Variants in SCNN1A observed in about 807,000 individuals in gnomAD.
SCNN1A encodes sodium channel epithelial 1 subunit alpha, also known as epithelial sodium channel subunit alpha.
In SCNN1A, 65 loss-of-function variants were observed where a neutral mutation model predicts 68.6. The observed-to-expected ratio is 0.95, with a 90% CI of 0.78 to 1.16. The LOEUF is 1.16. Among genes scored for constraint, SCNN1A ranks in the 50% most tolerant of loss-of-function variants. SCNN1A has a pLI of 0.00. For missense variants in SCNN1A, 880 were observed against 865.9 expected, an observed-to-expected ratio of 1.02 and a Z score of -0.20; for synonymous variants, 357 against 353.3, an observed-to-expected ratio of 1.01 and a Z score of -0.12.
At chr12:6,361,903 G>T in intron 4 of SCNN1A, 148 bp downstream of exon 4, 2 of 857,244 alleles carry the variant, frequency 2.3e-6, no homozygotes, top group South Asian at 1.4e-5. Context: ...CAGGGTGTGG[G>T]CCCAAAGCCA....
rs1266962260 is a variant in SCNN1A at position 6,353,690 on chromosome 12, C to T, written c.1360+748G>A. 3 of 70,226 alleles carry T rather than the reference C, an allele frequency of 4.3e-5. 1 individual carries two copies. Among genetic ancestry groups the T allele is most frequent in the Non-Finnish European group, 7.1e-5 (3 of 42,032 alleles). 4.4% of individuals were successfully genotyped at this position (70,226 alleles called of 1,614,324 possible). A position where few individuals can be genotyped will look rare whatever the true frequency, so the allele number is the denominator to read the frequency against. The stretch of plus-strand genomic sequence containing the variant: ...CTGCAGGCTCCGCCTCCCGGGTCCA[C>T]ACCATTCTCCTGCCTCAGCCTCCCA... On this transcript the variant is annotated intron_variant, in intron 8 of 12. Coordinates refer to ENST00000228916, the MANE Select transcript of SCNN1A (RefSeq NM_001038.6).
intron 9 of SCNN1A, 51 bp downstream of exon 9, chr12:6,349,276 C>T (rs987882598): frequency 1.2e-6 from 2 of 1,613,336 alleles, no homozygotes; most frequent in African/African-American, 2.7e-5. Flanking sequence ...AAATGCTTGG[C>T]TCGGTAACCT....
chr12:6,363,307 TGCCCGCGA>T, intron 3 of SCNN1A, 128 bp downstream of exon 3: 1 of 597,766 alleles, frequency 1.7e-6, no homozygotes, highest in Non-Finnish European at 2.7e-6. Flanking sequence ...CTTTTTTTTT[TGCCCGCGA>T]GCCCACGAGG....
intron 8 of SCNN1A, among the ~76,000 whole-genome samples, chr12:6,353,193 A>G (rs1948419619): frequency 6.6e-6 from 1 of 152,216 alleles, no homozygotes; most frequent in South Asian, 2.1e-4. Flanking sequence ...GGAGATTCCA[A>G]GGTGCTCCAA....
chr12:6,361,447 A>C (rs111237382), intron 4 of SCNN1A, among the ~76,000 whole-genome samples: 1,555 of 152,208 alleles, frequency 0.01, 13 homozygotes, highest in African/African-American at 0.029. Context: ...CCTTAGAAAG[A>C]CCAAGACCCT....
At chr12:6,371,814 T>C (rs74573330) in intron 2 of SCNN1A, among the ~76,000 whole-genome samples, 5 of 152,204 alleles carry the variant, frequency 3.3e-5, no homozygotes, top group African/African-American at 9.7e-5. Context: ...TGTTTTTTTT[T>C]CCTTTGAGAC....
At chr12:6,357,801 C>A (rs1360830454) in intron 4 of SCNN1A, among the ~76,000 whole-genome samples, 1 of 152,170 alleles carries the variant, frequency 6.6e-6, no homozygotes, top group East Asian at 1.9e-4. Flanking sequence ...GAGTTTGAGA[C>A]CAGCCTGGCC....
At chr12:6,355,459 T>A in intron 5 of SCNN1A, 24 bp from the exon 6 acceptor site, 1 of 1,612,864 alleles carries the variant, frequency 6.2e-7, no homozygotes, top group Non-Finnish European at 8.5e-7. Context: ...GAGAGCAGAG[T>A]TGGCAGAGGC....
chr12:6,348,924 G>A, intron 11 of SCNN1A, 26 bp downstream of exon 11: 1 of 1,613,176 alleles, frequency 6.2e-7, no homozygotes, highest in Non-Finnish European at 8.5e-7. Flanking sequence ...TTCCCTTCTT[G>A]TGGCTGGGAC....
At chr12:6,357,805 C>T (rs1174851129) in intron 4 of SCNN1A, among the ~76,000 whole-genome samples, 1 of 152,102 alleles carries the variant, frequency 6.6e-6, no homozygotes, top group Non-Finnish European at 1.5e-5. Flanking sequence ...TTGAGACCAG[C>T]CTGGCCAACA....
chr12:6,374,859 T>C lies in SCNN1A; in HGVS notation c.-54-22A>G, dbSNP rs777530867. The C allele has an allele frequency of 6.8e-6, 11 of 1,613,882 alleles. No individual in the cohort carries two copies. Among genetic ancestry groups the C allele is most frequent in the Admixed American group, 6.7e-5 (4 of 60,004 alleles). ...TCCCCTTCATGAGCCCCGGAGTGGATTGGGGAGAGCAAGGGTCAGGGTCAA... is the reference window on the plus strand; with the variant it reads ...TCCCCTTCATGAGCCCCGGAGTGGACTGGGGAGAGCAAGGGTCAGGGTCAA... On this transcript the variant is annotated intron_variant, in intron 1 of 12. Coordinates refer to ENST00000228916, the MANE Select transcript of SCNN1A (RefSeq NM_001038.6). This position sits in a 1 kb window ranked among gnomAD's most constrained non-coding sequence, Gnocchi z 6.2.
At chr12:6,358,296 A>C (rs550532099) in intron 4 of SCNN1A, among the ~76,000 whole-genome samples, 2 of 152,320 alleles carry the variant, frequency 1.3e-5, no homozygotes, top group South Asian at 4.1e-4. Flanking sequence ...CATGAGGAGG[A>C]GGTAGAGAAT....
At position 6,374,568 on chromosome 12, in the gene SCNN1A, G is replaced by T. The variant is rs138613452; in HGVS notation, c.216C>A (p.Ile72=). 6.2e-7 allele frequency: 1 copy of T among 1,614,192 alleles called. No individual in the cohort carries two copies. Among genetic ancestry groups the T allele is most frequent in the African/African-American group, 1.3e-5 (1 of 75,060 alleles). ...FCNNTTIHGA[I]RLVCSQHNRM... is the part of the protein sequence containing the mutation. ...GGTTGTGCTGGGAGCACACCAGGCG[G>T]ATGGCGCCGTGGATGGTGGTGTTGT... The change falls in exon 2 of 13, where the codon ATC becomes ATA. Residue 72 remains isoleucine (I), a synonymous_variant. Transcript: ENST00000228916. The surrounding 1 kb of genome is among the most constrained non-coding windows in gnomAD (Gnocchi z 6.2).
chr12:6,368,264 G>A (rs1360797022), intron 2 of SCNN1A, among the ~76,000 whole-genome samples: 1 of 152,172 alleles, frequency 6.6e-6, no homozygotes, highest in African/African-American at 2.4e-5. Context: ...TGCATGATTC[G>A]ATAATATTCG....
In SCNN1A at chr12:6,362,198, G is replaced by C; in HGVS notation, c.728C>G (p.Ser243Ter). The C allele has an allele frequency of 6.2e-7, 1 of 1,614,202 alleles. No individual in the cohort carries two copies. Among genetic ancestry groups the C allele is most frequent in the Non-Finnish European group, 8.5e-7 (1 of 1,180,004 alleles). The change falls in exon 4 of 13, where the codon TCA becomes TGA. Residue 243 changes from serine to a stop codon, truncating the protein, a stop_gained. Coordinates refer to ENST00000228916, the MANE Select transcript of SCNN1A (RefSeq NM_001038.6). LOFTEE classifies it high-confidence loss of function. Reference protein sequence around the residue: ...KSDCFYQTYSSGVDAVREWYR... With the variant: ...KSDCFYQTYS ...CCACTCCCTCACCGCATCCACCCCT[G>C]ATGAGTATGTCTGGTAGAAGCAGTC...
At chr12:6,375,717 G>T (rs1948894998), upstream of SCNN1A, 2 of 1,427,070 alleles carry the variant, frequency 1.4e-6, no homozygotes, top group Admixed American at 5.7e-5. Context: ...TCTGGGCAGG[G>T]GCTTTAGACG....
Position 6,375,054 on chromosome 12 carries a change from G to A in SCNN1A, c.-54-217C>T, listed in dbSNP as rs182407119. 427 of 1,534,360 alleles carry A rather than the reference G, an allele frequency of 2.8e-4. No individual in the cohort carries two copies. In the African/African-American group the frequency reaches 3.6e-3, roughly 13 times the overall value. ...TGCGGGAGTTGGGGCCAAAAGTGCC[G>A]GAGCTGGGCTTCCCTAGAACGGCCT... is the stretch of plus-strand genomic sequence containing the variant. On this transcript the variant is annotated intron_variant, in intron 1 of 12. Transcript: ENST00000228916.
chr12:6,375,344 G>A, intron 1 of SCNN1A, 161 bp downstream of exon 1: 1 of 1,445,374 alleles, frequency 6.9e-7, no homozygotes, highest in Non-Finnish European at 9.0e-7. Flanking sequence ...TCCAGCCTCT[G>A]GCCCTGACCT....
Position 6,348,164 on chromosome 12 carries a change from G to A in SCNN1A, c.1719C>T (p.Val573=). 6.2e-7 allele frequency: 1 copy of A among 1,614,164 alleles called. No homozygotes were observed. The highest frequency in any genetic ancestry group is 1.3e-5 in the African/African-American group (1 of 75,036). Residue 573 remains valine, a synonymous_variant, in exon 13 of 13, where the codon GTC becomes GTT. Coordinates refer to ENST00000228916, the MANE Select transcript of SCNN1A (RefSeq NM_001038.6). ...VLSVVEMAEL[V]FDLLVIMFLM... The stretch of plus-strand genomic sequence containing the variant: ...GGAACATGATGACCAGCAGGTCAAA[G>A]ACGAGCTCAGCCATCTCCACCACAG...
Sources: gnomAD v4.1 joint callset for allele counts (sites outside exome capture counted in the v4.1 genomes callset) on GRCh38, gnomAD v4.1.1 for gene constraint, Gnocchi (gnomAD v3.1) non-coding constraint, MANE v1.5 for transcripts, NCBI Gene and HGNC (gene_info 2026-07-23, HGNC 2026-07-21) for gene names.